Variants in TRPS1 observed in about 807,000 individuals in gnomAD.
TRPS1 encodes transcriptional repressor GATA binding 1.
A neutral mutation model predicts 101.2 loss-of-function variants in TRPS1; 6 were observed. That is an observed-to-expected ratio of 0.06 (90% CI 0.03 to 0.12). The LOEUF is 0.12. Ranked by LOEUF, TRPS1 falls within the 10% of genes least tolerant of loss-of-function variation. The pLI is 1.00. For synonymous variants in TRPS1, 578 were observed against 589.8 expected, an observed-to-expected ratio of 0.98 and a Z score of 0.29; for missense variants, 1,363 against 1,567.0, an observed-to-expected ratio of 0.87 and a Z score of 2.20.
intron 5 of TRPS1, among the ~76,000 whole-genome samples, chr8:115,482,575 A>G (rs960175020): frequency 6.6e-6 from 1 of 152,210 alleles, no homozygotes; most frequent in African/African-American, 2.4e-5. Context: ...TTTCAAGTTT[A>G]ACTGAATAAA....
intron 5 of TRPS1, among the ~76,000 whole-genome samples, chr8:115,535,405 T>C (rs560903605): frequency 6.7e-6 from 1 of 148,508 alleles, no homozygotes; most frequent in Non-Finnish European, 1.5e-5. Context: ...CGCATATATA[T>C]AGCATATATA....
chr8:115,498,440 T>C (rs1341616837), intron 5 of TRPS1, among the ~76,000 whole-genome samples: 3 of 136,656 alleles, frequency 2.2e-5, no homozygotes, highest in African/African-American at 5.6e-5. Flanking sequence ...TATATATATA[T>C]ATATATATAT....
At chr8:115,620,089 C>T (rs1193757249) in intron 2 of TRPS1, 29 bp from the exon 3 acceptor site, 3 of 1,601,504 alleles carry the variant, frequency 1.9e-6, no homozygotes, top group African/African-American at 2.7e-5. Context: ...AAGGCAGATA[C>T]AGTGTTATCT....
intron 5 of TRPS1, among the ~76,000 whole-genome samples, chr8:115,450,770 C>T (rs1253350249): frequency 6.6e-6 from 1 of 152,168 alleles, no homozygotes; most frequent in Non-Finnish European, 1.5e-5. Context: ...CTTGCCTCTT[C>T]CTCAATAAAA....
intron 5 of TRPS1, among the ~76,000 whole-genome samples, chr8:115,571,280 C>T (rs772752921): frequency 2.0e-5 from 3 of 152,056 alleles, no homozygotes; most frequent in African/African-American, 7.2e-5. Flanking sequence ...AAAGAACTAC[C>T]ATAAATTCTG....
At chr8:115,615,811 T>A (rs999024819) in intron 3 of TRPS1, among the ~76,000 whole-genome samples, 1 of 152,118 alleles carries the variant, frequency 6.6e-6, no homozygotes, top group Non-Finnish European at 1.5e-5. Context: ...ATTACTTTTT[T>A]AAGAACTCGA....
intron 5 of TRPS1, among the ~76,000 whole-genome samples, chr8:115,500,038 C>A (rs1372815553): frequency 6.7e-6 from 1 of 148,668 alleles, no homozygotes; most frequent in Non-Finnish European, 1.5e-5. Flanking sequence ...TCTTTTCTTT[C>A]CTTTTTTCCA....
At chr8:115,586,213 TA>T (rs1274057736) in intron 5 of TRPS1, among the ~76,000 whole-genome samples, 2 of 152,228 alleles carry the variant, frequency 1.3e-5, no homozygotes, top group African/African-American at 4.8e-5. Flanking sequence ...GGTGGTGTCT[TA>T]GGCATCGAGC....
At chr8:115,637,146 A>G in intron 1 of TRPS1, 1 of 629,862 alleles carries the variant, frequency 1.6e-6, no homozygotes, top group Non-Finnish European at 2.0e-6. Flanking sequence ...ATTCCAGCAA[A>G]CAGGAGTAAG....
chr8:115,450,852 T>C (rs953790468), intron 5 of TRPS1, among the ~76,000 whole-genome samples: 3 of 152,220 alleles, frequency 2.0e-5, no homozygotes, highest in Non-Finnish European at 4.4e-5. Context: ...AGATCCATAA[T>C]GCATCCTTTT....
chr8:115,553,737 C>A (rs1816753858), intron 5 of TRPS1, among the ~76,000 whole-genome samples: 1 of 152,024 alleles, frequency 6.6e-6, no homozygotes, highest in Non-Finnish European at 1.5e-5. Flanking sequence ...ATATTAGAAA[C>A]TTTCATTGCT....
intron 1 of TRPS1, among the ~76,000 whole-genome samples, chr8:115,635,599 T>C (rs1164686668): frequency 6.6e-6 from 1 of 152,116 alleles, no homozygotes. Context: ...GGAAGAGCAG[T>C]GACTAATCCC....
chr8:115,511,283 T>TA (rs1292997811), intron 5 of TRPS1: 2 of 151,944 alleles, frequency 1.3e-5, no homozygotes, highest in Non-Finnish European at 2.9e-5. Flanking sequence ...AAATAAATCA[T>TA]ACTGCTGCTG....
chr8:115,592,175 T>C (rs769476673), intron 4 of TRPS1, among the ~76,000 whole-genome samples: 1 of 152,206 alleles, frequency 6.6e-6, no homozygotes, highest in Non-Finnish European at 1.5e-5. Context: ...TTCTCAGCGA[T>C]AGAGATTCCA....
At chr8:115,527,109 C>T (rs887095029) in intron 5 of TRPS1, among the ~76,000 whole-genome samples, 3 of 152,076 alleles carry the variant, frequency 2.0e-5, no homozygotes, top group Admixed American at 2.0e-4. Context: ...TGTTATTACT[C>T]ATGGCTTCAA....
At chr8:115,596,885 T>C (rs1347130996) in intron 4 of TRPS1, among the ~76,000 whole-genome samples, 1 of 151,886 alleles carries the variant, frequency 6.6e-6, no homozygotes, top group Non-Finnish European at 1.5e-5. Flanking sequence ...TAAAACACTA[T>C]CCCACTGTGA....
At position 115,556,473 on chromosome 8, in the gene TRPS1, C is replaced by A. The variant is rs147561323; in HGVS notation, c.2700+30528G>T. On this transcript the variant is annotated intron_variant, in intron 5 of 6. Transcript: ENST00000395715. ...CAACTGTACAGGTCTTGAAAATCAA[C>A]GTCCTTTTATTCAAAACCATGGTCC... Among the ~76,000 whole-genome samples, 1,366 of 152,186 alleles carry A rather than the reference C, an allele frequency of 9.0e-3. 23 individuals are homozygous for A. Among genetic ancestry groups the A allele is most frequent in the African/African-American group, 0.031 (1,293 of 41,514 alleles).
chr8:115,638,344 T>C (rs1490823091), intron 1 of TRPS1, among the ~76,000 whole-genome samples: 1 of 152,198 alleles, frequency 6.6e-6, no homozygotes, highest in Admixed American at 6.5e-5. Flanking sequence ...GTAATCTTTG[T>C]GTCCATTCCA....
chr8:115,460,326 CCCA>C (rs1167083186), intron 5 of TRPS1, among the ~76,000 whole-genome samples: 5 of 151,416 alleles, frequency 3.3e-5, no homozygotes, highest in Non-Finnish European at 7.4e-5. Flanking sequence ...ACACACACAC[CCCA>C]CATTAAAAAT....
Sources: allele counts gnomAD v4.1 joint callset (sites outside exome capture counted in the v4.1 genomes callset), GRCh38; gene constraint gnomAD v4.1.1; transcripts MANE v1.5; gene names NCBI Gene and HGNC (gene_info 2026-07-23, HGNC 2026-07-21).